The following RGN variants were observed in gnomAD, a reference collection of about 807,000 sequenced individuals.
The protein encoded by RGN is regucalcin.
Under a neutral mutation model 20.6 loss-of-function variants are expected in RGN, and 19 were observed. That is an observed-to-expected ratio of 0.92 (90% CI 0.64 to 1.35). The LOEUF is 1.35. RGN is among the 40% of genes most tolerant of loss of function. The probability of loss-of-function intolerance (pLI) is 0.00; values close to 1 mark genes in which losing one functional copy is unlikely to be tolerated. For synonymous variants in RGN, 85 were observed against 87.2 expected, an observed-to-expected ratio of 0.97 and a Z score of 0.14; for missense variants, 302 against 232.7, an observed-to-expected ratio of 1.30 and a Z score of -1.94.
intron 1 of RGN, 26 bp downstream of exon 1, chrX:47,078,735 T>G (rs1359359776): frequency 9.0e-6 from 1 of 110,682 alleles, no homozygotes; most frequent in Admixed American, 9.6e-5. Flanking sequence ...CGCGGGCACC[T>G]GAAGCCCCGT....
At chrX:47,086,751 G>C (rs1930609455) in intron 4 of RGN, among the ~76,000 whole-genome samples, 1 of 90,466 alleles carries the variant, frequency 1.1e-5, no homozygotes, top group African/African-American at 6.0e-5. Context: ...GAGAGAGAGA[G>C]AGAGAGAGAG....
chrX:47,083,892 A>G (rs1389463882), intron 3 of RGN, among the ~76,000 whole-genome samples: 2 of 108,464 alleles, frequency 1.8e-5, no homozygotes, highest in Non-Finnish European at 3.8e-5. Context: ...AGCCTGGGAA[A>G]CAAGAGCAAA....
chrX:47,086,178 A>G (rs1354129560), intron 4 of RGN, among the ~76,000 whole-genome samples: 3 of 110,927 alleles, frequency 2.7e-5, no homozygotes, highest in South Asian at 3.8e-4. Context: ...TTAATAGGGC[A>G]TTCCTTATTT....
chrX:47,090,175 GTCC>G (rs1556386993), intron 5 of RGN, among the ~76,000 whole-genome samples, 184 bp downstream of exon 5: 2 of 110,872 alleles, frequency 1.8e-5, no homozygotes. Flanking sequence ...TCAAATCATG[GTCC>G]TCAACATATT....
chrX:47,087,700 G>A (rs1930656354), intron 4 of RGN: 2 of 107,819 alleles, frequency 1.9e-5, no homozygotes, highest in East Asian at 2.9e-4. Context: ...GAGTCTCTGG[G>A]CCATCAGGAG....
chrX:47,087,903 C>T (rs1439613779), intron 4 of RGN, among the ~76,000 whole-genome samples: 1 of 97,807 alleles, frequency 1.0e-5, no homozygotes, highest in African/African-American at 3.7e-5. Flanking sequence ...ATAATATAAT[C>T]ATATTATATA....
In RGN at chrX:47,092,173, C is replaced by T. The variant is rs781976131; in HGVS notation, c.807C>T (p.Pro269=). The change falls in exon 7 of 8, where the codon CCC becomes CCT. Residue 269 remains proline (P), a synonymous_variant. Transcript: ENST00000397180. ...YVTCARDGMD[P]EGLLRQPEAG... ...CCTGCGCCCGGGATGGGATGGACCC[C>T]GAGGGTCTTTTGAGGCAACCTGAAG... The T allele has an allele frequency of 1.7e-5, 20 of 1,191,640 alleles. No homozygotes were observed. Among genetic ancestry groups the T allele is most frequent in the African/African-American group, 8.9e-5 (5 of 56,359 alleles).
At position 47,086,734 on chromosome X, in the gene RGN, G is replaced by GGAGAGAGAGAGAGAGAGAGA. The variant is rs781935920; in HGVS notation, c.346+2165_346+2184dup. Among the ~76,000 whole-genome samples, 161 of 50,496 alleles carry GGAGAGAGAGAGAGAGAGAGA rather than the reference G, an allele frequency of 3.2e-3. 8 individuals are homozygous for GGAGAGAGAGAGAGAGAGAGA. The highest frequency in any genetic ancestry group is 5.1e-3 in the Non-Finnish European group (126 of 24,717). 43.8% of individuals were successfully genotyped at this position (50,496 alleles called of 115,157 possible). A position where few individuals can be genotyped will look rare whatever the true frequency, so the allele number is the denominator to read the frequency against. On this transcript the variant is annotated intron_variant, in intron 4 of 7. Transcript: ENST00000397180. ...GCTGCCCCTAGAACCAGTGATAACA[G>GGAGAGAGAGAGAGAGAGAGA]GAGAGAGAGAGAGAGAGAGAGAGAG...
Position 47,091,939 on chromosome X carries a change from A to G in RGN, c.695-122A>G, listed in dbSNP as rs1338675915. On this transcript the variant is annotated intron_variant, in intron 6 of 7. Coordinates refer to ENST00000397180, the MANE Select transcript of RGN (RefSeq NM_152869.4). Reference sequence around the variant, plus strand: ...CAAAATAAATTGTCAGGGAAAGTAGATTAAATATTAAATGCACAGATGAAT... The same window carrying G: ...CAAAATAAATTGTCAGGGAAAGTAGGTTAAATATTAAATGCACAGATGAAT... 5 of 951,131 alleles carry G rather than the reference A, an allele frequency of 5.3e-6. No individual in the cohort carries two copies. The African/African-American group carries it at 9.8e-5, about 19-fold the overall frequency. The allele number at this position is 951,131 out of a possible 1,213,427, so 78.4% of individuals were successfully genotyped here. A position where few individuals can be genotyped will look rare whatever the true frequency, so the allele number is the denominator to read the frequency against.
At chrX:47,082,292 T>C (rs1479185685) in intron 3 of RGN, among the ~76,000 whole-genome samples, 1 of 100,024 alleles carries the variant, frequency 1.0e-5, no homozygotes, top group African/African-American at 3.6e-5. Flanking sequence ...AACCCAGAAC[T>C]GGGACCTCAA....
intron 4 of RGN, among the ~76,000 whole-genome samples, 162 bp from the exon 5 acceptor site, chrX:47,089,592 TATATATACACACACACACACAC>T (rs1930824181): frequency 1.2e-4 from 5 of 42,121 alleles, no homozygotes; most frequent in African/African-American, 5.8e-4. Context: ...TATATATATA[TATATATACACACACACACACAC>T]ACACACACAC....
chrX:47,089,744 G>C, intron 4 of RGN, 32 bp from the exon 5 acceptor site: 1 of 1,122,301 alleles, frequency 8.9e-7, no homozygotes, highest in South Asian at 1.9e-5. Context: ...AGATGCTATG[G>C]GGCAGAGCTC....
At chrX:47,089,531 C>T (rs201073113) in intron 4 of RGN, among the ~76,000 whole-genome samples, 213 of 15,419 alleles carry the variant, frequency 0.014, 15 homozygotes, top group East Asian at 0.046. Context: ...TATATATACT[C>T]ATATATATAC....
chrX:47,084,308 T>C (rs1223488393), intron 3 of RGN, 110 bp from the exon 4 acceptor site: 10 of 607,146 alleles, frequency 1.6e-5, no homozygotes, highest in Non-Finnish European at 2.2e-5. Flanking sequence ...GCGCTCCCAT[T>C]GTCACGAGAG....
intron 4 of RGN, among the ~76,000 whole-genome samples, chrX:47,088,032 C>T (rs1180252210): frequency 1.0e-5 from 1 of 100,467 alleles, no homozygotes; most frequent in Non-Finnish European, 2.0e-5. Flanking sequence ...ATGCATAACA[C>T]TAGTACACTA....
chrX:47,090,976 GA>G (rs1269710430), intron 5 of RGN, among the ~76,000 whole-genome samples: 1 of 105,435 alleles, frequency 9.5e-6, no homozygotes, highest in African/African-American at 3.4e-5. Context: ...AAGAAAGAAA[GA>G]AAGAAAGATG....
At position 47,090,890 on chromosome X, in the gene RGN, G is replaced by GAAGAAAGA. The variant is rs1178167758; in HGVS notation, c.563-774_563-767dup. On this transcript the variant is annotated intron_variant, in intron 5 of 7. Coordinates refer to ENST00000397180, the MANE Select transcript of RGN (RefSeq NM_152869.4). ...AAAAAGAAAGAAAGAAAGAAAAGAA[G>GAAGAAAGA]AAGAAAGAAAGAAAGAAAGAAGAAG... 2.7e-4 allele frequency among the ~76,000 whole-genome samples: 14 copies of GAAGAAAGA among 51,493 alleles called. 1 individual carries two copies. The highest frequency in any genetic ancestry group is 1.3e-3 in the African/African-American group (14 of 10,768). The allele number at this position is 51,493 out of a possible 115,157, so 44.7% of individuals were successfully genotyped here.
chrX:47,082,842 G>C (rs1253177353), intron 3 of RGN, among the ~76,000 whole-genome samples: 6 of 101,606 alleles, frequency 5.9e-5, no homozygotes, highest in African/African-American at 2.2e-4. Flanking sequence ...CAGTAGCTTA[G>C]AGAGCTACCA....
chrX:47,089,759 C>G lies in RGN; in HGVS notation c.347-17C>G. Reference sequence around the variant, plus strand: ...AGATGCTATGGGGCAGAGCTCAGTGCTCTTTGGTTTTTGTAGGCACCATGG... The same window carrying G: ...AGATGCTATGGGGCAGAGCTCAGTGGTCTTTGGTTTTTGTAGGCACCATGG... On this transcript the variant is annotated splice_polypyrimidine_tract_variant and intron_variant, in intron 4 of 7. Coordinates refer to ENST00000397180, the MANE Select transcript of RGN (RefSeq NM_152869.4). 8.4e-7 allele frequency: 1 copy of G among 1,187,639 alleles called. No individual in the cohort carries two copies. Among genetic ancestry groups the G allele is most frequent in the Non-Finnish European group, 1.1e-6 (1 of 879,480 alleles).
Sources: allele counts gnomAD v4.1 joint callset (sites outside exome capture counted in the v4.1 genomes callset), GRCh38; gene constraint gnomAD v4.1.1; transcripts MANE v1.5; gene names NCBI Gene and HGNC (gene_info 2026-07-23, HGNC 2026-07-21).